The following ELP6 variants were observed in gnomAD, a reference collection of about 807,000 sequenced individuals.
The protein encoded by ELP6 is elongator acetyltransferase complex subunit 6, also known as elongator complex protein 6.
Under a neutral mutation model 28.1 loss-of-function variants are expected in ELP6, and 23 were observed. That is an observed-to-expected ratio of 0.82 (90% CI 0.59 to 1.16). The LOEUF (loss-of-function observed/expected upper bound fraction) is 1.16. Among genes scored for constraint, ELP6 ranks in the 50% most tolerant of loss-of-function variants. ELP6 has a pLI of 0.00. For missense variants in ELP6, 313 were observed against 334.6 expected (o/e 0.94, Z 0.50); for synonymous variants, 132 against 135.8 (o/e 0.97, Z 0.19).
At chr3:47,504,658 C>T (rs1270248288) in intron 3 of ELP6, 1 of 985,226 alleles carries the variant, frequency 1.0e-6, no homozygotes, top group South Asian at 4.7e-5. Flanking sequence ...TTAATTGTTA[C>T]ATTAAAAGAA....
intron 3 of ELP6, chr3:47,504,730 TG>T: frequency 1.3e-6 from 1 of 787,806 alleles, no homozygotes; most frequent in Non-Finnish European, 1.5e-6. Flanking sequence ...CTGAGGCAGG[TG>T]GATCATTTGA....
At chr3:47,504,554 T>C in intron 3 of ELP6, 106 bp from the exon 4 acceptor site, 1 of 1,412,420 alleles carries the variant, frequency 7.1e-7, no homozygotes, top group Non-Finnish European at 9.3e-7. Context: ...TTGGCAGAAG[T>C]GTATCTGATC....
At chr3:47,499,160 T>C (rs1239082814) in intron 5 of ELP6, among the ~76,000 whole-genome samples, 1 of 152,214 alleles carries the variant, frequency 6.6e-6, no homozygotes, top group African/African-American at 2.4e-5. Context: ...GGAGGATCAT[T>C]GAGCCAAGGA....
chr3:47,508,636 C>T (rs771997735), intron 3 of ELP6, among the ~76,000 whole-genome samples: 6 of 152,030 alleles, frequency 3.9e-5, no homozygotes, highest in Non-Finnish European at 5.9e-5. Flanking sequence ...AATGTTGAAC[C>T]GGCTTTGCAA....
At chr3:47,503,660 T>C (rs1359865346) in intron 4 of ELP6, among the ~76,000 whole-genome samples, 1 of 152,100 alleles carries the variant, frequency 6.6e-6, no homozygotes, top group Admixed American at 6.6e-5. Flanking sequence ...CCCAGCACTT[T>C]GGGAGGCCGA....
intron 6 of ELP6, chr3:47,498,043 C>T (rs1469482144): frequency 1.0e-6 from 1 of 983,566 alleles, no homozygotes; most frequent in Admixed American, 6.2e-5. Flanking sequence ...ACAGCTGTCT[C>T]CTCTTTAAGA....
chr3:47,504,297 G>T (rs778194399), intron 4 of ELP6, 33 bp downstream of exon 4: 1 of 1,556,436 alleles, frequency 6.4e-7, no homozygotes, highest in Non-Finnish European at 8.7e-7. Context: ...CCTGCCACGT[G>T]TTGCTTCCGG....
chr3:47,511,439 T>C, intron 1 of ELP6: 2 of 1,366,666 alleles, frequency 1.5e-6, no homozygotes, highest in Non-Finnish European at 1.9e-6. Flanking sequence ...TTACTCATGA[T>C]AGGCAAGCAT....
At chr3:47,509,496 C>T (rs1576350620) in intron 3 of ELP6, among the ~76,000 whole-genome samples, 1 of 152,164 alleles carries the variant, frequency 6.6e-6, no homozygotes, top group East Asian at 1.9e-4. Context: ...AACGAAAGTC[C>T]CTCTCCCCAC....
chr3:47,504,884 CAGG>C (rs1050791798), intron 3 of ELP6, among the ~76,000 whole-genome samples: 4 of 152,110 alleles, frequency 2.6e-5, no homozygotes, highest in African/African-American at 9.7e-5. Flanking sequence ...CACGTGCGCC[CAGG>C]AGGTCAAGGC....
chr3:47,497,330 A>G (rs567803215), intron 6 of ELP6: 1 of 985,132 alleles, frequency 1.0e-6, no homozygotes, highest in Admixed American at 6.2e-5. Context: ...GGCCTCCCCA[A>G]GTCGTTTTTC....
At position 47,501,743 on chromosome 3, in the gene ELP6, G is replaced by A. The variant is rs1035573511; in HGVS notation, c.432C>T (p.Asp144=). 33 of 1,613,914 alleles carry A rather than the reference G, an allele frequency of 2.0e-5. No homozygotes were observed. Among genetic ancestry groups the A allele is most frequent in the Middle Eastern group, 3.3e-4 (2 of 6,062 alleles). The stretch of plus-strand genomic sequence containing the variant: ...CCAGGCTCAGGAGCACACTGAGGTC[G>A]TCCACCAACAGCACCGGGTACGTCC... ...ARWTYPVLLV[D]DLSVLLSLGM... The change falls in exon 5 of 7, where the codon GAC becomes GAT. Residue 144 remains aspartate, a synonymous_variant. Transcript: ENST00000296149.
rs941599845 is a variant in ELP6 at position 47,496,731 on chromosome 3, T to G, written c.673-534A>C. The G allele has an allele frequency of 8.6e-6, 8 of 934,020 alleles. No homozygotes were observed. In the African/African-American group the frequency reaches 1.2e-4, roughly 15 times the overall value. The allele number at this position is 934,020 out of a possible 1,614,324, so 57.9% of individuals were successfully genotyped here. On this transcript the variant is annotated intron_variant, in intron 6 of 6. Transcript: ENST00000296149. ...GCTGGTCTGGAACTCTGACCTCAGG[T>G]GATCCGCCCACCTCGGCCTCCCAAA...
At chr3:47,511,306 C>A (rs1321943733) in intron 1 of ELP6, 80 bp from the exon 2 acceptor site, 3 of 1,525,058 alleles carry the variant, frequency 2.0e-6, no homozygotes, top group South Asian at 1.2e-5. Context: ...TCAATTGTGT[C>A]CACACCTTAA....
chr3:47,511,092 T>G (rs748837352), intron 2 of ELP6, 56 bp downstream of exon 2: 5 of 1,499,088 alleles, frequency 3.3e-6, no homozygotes, highest in Non-Finnish European at 4.6e-6. Context: ...TTTTGGTTTT[T>G]ATTATTTCTG....
At chr3:47,513,457 G>A (rs2029965610) in intron 1 of ELP6, 80 bp downstream of exon 1, 1 of 1,573,050 alleles carries the variant, frequency 6.4e-7, no homozygotes, top group East Asian at 2.3e-5. Context: ...ATTCCCCGGG[G>A]TCGTGCGCAC....
chr3:47,513,320 C>G (rs538674242), intron 1 of ELP6: 2 of 1,377,790 alleles, frequency 1.5e-6, no homozygotes, highest in Non-Finnish European at 1.9e-6. Flanking sequence ...AGGACACGCA[C>G]AGCCGTTGAG....
chr3:47,496,081 A>C lies in ELP6; in HGVS notation c.789T>G (p.Pro263=). The change falls in exon 7 of 7, where the codon CCT becomes CCG. Residue 263 remains proline (P), a synonymous_variant. Transcript: ENST00000296149. ...SVSFFAKGMS[P]AVL ...CTCCGAAATCAGGTCACAGAACAGC[A>C]GGAGACATTCCTTTGGCAAAAAAGG... The C allele has an allele frequency of 3.1e-6, 5 of 1,614,174 alleles. No individual in the cohort carries two copies. The highest frequency in any genetic ancestry group is 4.2e-6 in the Non-Finnish European group (5 of 1,180,018).
At chr3:47,510,331 A>G (rs1033179801) in intron 2 of ELP6, 77 bp from the exon 3 acceptor site, 1 of 1,307,576 alleles carries the variant, frequency 7.6e-7, no homozygotes, top group Non-Finnish European at 1.1e-6. Context: ...TCTGGAAAAA[A>G]AAGCACTGAG....
Sources: allele counts gnomAD v4.1 joint callset (sites outside exome capture counted in the v4.1 genomes callset), GRCh38; gene constraint gnomAD v4.1.1; transcripts MANE v1.5; gene names NCBI Gene and HGNC (gene_info 2026-07-23, HGNC 2026-07-21).